ZNF718: variants seen among roughly 807,000 people sequenced by gnomAD.
ZNF718 encodes the protein zinc finger protein 718.
Under a neutral mutation model 2.6 loss-of-function variants are expected in ZNF718, and 3 were observed. That is an observed-to-expected ratio of 1.16 (90% CI 0.53 to 3.01). ZNF718 has a LOEUF of 3.01. Ranked by LOEUF, ZNF718 falls within the 30% of genes most tolerant of loss-of-function variation. The pLI is 0.03. For synonymous variants in ZNF718, 135 were observed against 77.9 expected (o/e 1.73, Z -3.86); for missense variants, 468 against 230.0 (o/e 2.03, Z -6.69).
intron 3 of ZNF718, among the ~76,000 whole-genome samples, chr4:134,192 G>T (rs184046847): frequency 6.6e-6 from 1 of 152,102 alleles, no homozygotes; most frequent in Non-Finnish European, 1.5e-5. Flanking sequence ...TGTCACCCAG[G>T]CTGGAGTGCA....
At position 124,603 on chromosome 4, in the gene ZNF718, T is replaced by C. The variant is rs944143956; in HGVS notation, c.-68T>C. On this transcript the variant is annotated 5_prime_UTR_variant, in exon 1 of 4. Coordinates refer to ENST00000510175, the MANE Select transcript of ZNF718 (RefSeq NM_001039127.6). Reference sequence around the variant, plus strand: ...GATTCTGCCACAGCCTCAGCCTCTGTGGCTCTGTGACCTGCCGGTATTGGA... The same window carrying C: ...GATTCTGCCACAGCCTCAGCCTCTGCGGCTCTGTGACCTGCCGGTATTGGA... The C allele has an allele frequency of 1.9e-6, 3 of 1,594,916 alleles. No homozygotes were observed. The highest frequency in any genetic ancestry group is 2.6e-6 in the Non-Finnish European group (3 of 1,173,156).
intron 3 of ZNF718, among the ~76,000 whole-genome samples, chr4:145,567 A>G (rs1320854074): frequency 2.0e-5 from 3 of 152,128 alleles, no homozygotes; most frequent in East Asian, 1.9e-4. Context: ...GGCTCAAGCA[A>G]TCTTCCCACC....
At chr4:143,032 A>T (rs1454023857) in intron 3 of ZNF718, among the ~76,000 whole-genome samples, 3 of 152,226 alleles carry the variant, frequency 2.0e-5, no homozygotes, top group Non-Finnish European at 4.4e-5. Flanking sequence ...CTCTTCAACT[A>T]GAATAACAGA....
chr4:144,913 C>T (rs551654977), intron 3 of ZNF718, among the ~76,000 whole-genome samples: 118 of 150,528 alleles, frequency 7.8e-4, no homozygotes, highest in Non-Finnish European at 1.3e-3. Context: ...AATATAAGAC[C>T]CCATCATATG....
At chr4:173,821 G>A (rs767213527) in intron 3 of ZNF718, among the ~76,000 whole-genome samples, 11 of 152,172 alleles carry the variant, frequency 7.2e-5, no homozygotes, top group Non-Finnish European at 1.6e-4. Context: ...AGGGATGAAA[G>A]AAGTATGCAG....
At chr4:200,954 T>TA (rs1560135617) in intron 3 of ZNF718, 1 of 152,474 alleles carries the variant, frequency 6.6e-6, no homozygotes, top group Non-Finnish European at 1.5e-5. Flanking sequence ...TAATTAACGT[T>TA]AAAAAAGAAG....
chr4:165,628 G>A (rs1221979877), downstream of ZNF718, among the ~76,000 whole-genome samples: 5 of 152,120 alleles, frequency 3.3e-5, no homozygotes, highest in East Asian at 3.9e-4. Flanking sequence ...GCAAAACCCC[G>A]TTTCTACTAA....
chr4:184,845 G>A (rs1277166447), intron 3 of ZNF718, among the ~76,000 whole-genome samples: 1 of 152,066 alleles, frequency 6.6e-6, no homozygotes, highest in Non-Finnish European at 1.5e-5. Context: ...TTTCTGTGGA[G>A]TCAGTAGTAA....
In ZNF718 at chr4:201,012, G is replaced by A. The variant is rs138182090; in HGVS notation, c.227-69G>A. On this transcript the variant is annotated intron_variant and NMD_transcript_variant, in intron 3 of 4. Transcript: ENST00000642529. Reference sequence around the variant, plus strand: ...TACATTAAAGGCTGAGTAGTAATGAGTGGTTTTAATATTTGCCTTGTCGAG... The same window carrying A: ...TACATTAAAGGCTGAGTAGTAATGAATGGTTTTAATATTTGCCTTGTCGAG... The A allele has an allele frequency of 8.4e-3, 1,287 of 152,388 alleles. 17 individuals are homozygous for A. Among genetic ancestry groups the A allele is most frequent in the Middle Eastern group, 0.061 (18 of 294 alleles). 9.4% of individuals were successfully genotyped at this position (152,388 alleles called of 1,614,324 possible).
intron 3 of ZNF718, among the ~76,000 whole-genome samples, chr4:186,041 T>C (rs1036967678): frequency 6.6e-6 from 1 of 152,142 alleles, no homozygotes; most frequent in African/African-American, 2.4e-5. Flanking sequence ...GTCATCATGA[T>C]GCTAGCTGGT....
chr4:144,487 T>C (rs1553810840), intron 3 of ZNF718, among the ~76,000 whole-genome samples: 1 of 152,214 alleles, frequency 6.6e-6, no homozygotes, highest in African/African-American at 2.4e-5. Context: ...TTTGGCTATT[T>C]TGAGTCTTTT....
At chr4:145,218 C>T (rs577736209) in intron 3 of ZNF718, among the ~76,000 whole-genome samples, 11 of 152,204 alleles carry the variant, frequency 7.2e-5, no homozygotes, top group African/African-American at 2.4e-4. Flanking sequence ...AAATGTTTTT[C>T]TATTTAGAGG....
chr4:172,970 G>A (rs1476225664), intron 3 of ZNF718, among the ~76,000 whole-genome samples: 1 of 152,016 alleles, frequency 6.6e-6, no homozygotes, highest in African/African-American at 2.4e-5. Context: ...GCTTGAACCT[G>A]GGAGGTGTAG....
chr4:149,686 C>T (rs1716228512), intron 3 of ZNF718: 1 of 151,994 alleles, frequency 6.6e-6, no homozygotes, highest in Non-Finnish European at 1.5e-5. Context: ...TAGTGCCCCT[C>T]CTTTGATTAT....
At chr4:157,610 G>A (rs927448731) in intron 3 of ZNF718, among the ~76,000 whole-genome samples, 5 of 152,138 alleles carry the variant, frequency 3.3e-5, no homozygotes, top group Admixed American at 3.3e-4. Flanking sequence ...ACAAGAGCAT[G>A]CTAAAGAGTA....
intron 3 of ZNF718, among the ~76,000 whole-genome samples, chr4:133,195 A>AAAAAAAT (rs1258303094): frequency 5.8e-4 from 12 of 20,778 alleles, no homozygotes; most frequent in Admixed American, 7.4e-4. Context: ...AAAAAAAAAA[A>AAAAAAAT]ATATATATAT....
intron 1 of ZNF718, chr4:125,080 C>G (rs1331684535): frequency 6.1e-6 from 1 of 163,098 alleles, no homozygotes; most frequent in African/African-American, 2.4e-5. Context: ...AAAGCTCTGC[C>G]GTGGCTCGTG....
At chr4:160,528 G>A (rs1250654256) in intron 3 of ZNF718, among the ~76,000 whole-genome samples, 1 of 152,054 alleles carries the variant, frequency 6.6e-6, no homozygotes, top group East Asian at 1.9e-4. Flanking sequence ...TATTAGATTT[G>A]TAAAGTATAT....
chr4:150,888 T>TTGTG (rs111894956), intron 3 of ZNF718, among the ~76,000 whole-genome samples: 20 of 150,234 alleles, frequency 1.3e-4, no homozygotes, highest in East Asian at 1.2e-3. Flanking sequence ...AATTTGAATT[T>TTGTG]TGTGTGTGTG....
Sources: gnomAD v4.1 joint callset for allele counts (sites outside exome capture counted in the v4.1 genomes callset) on GRCh38, gnomAD v4.1.1 for gene constraint, MANE v1.5 for transcripts, NCBI Gene and HGNC (gene_info 2026-07-23, HGNC 2026-07-21) for gene names.